SETD2: variants seen among roughly 807,000 people sequenced by gnomAD.
The protein encoded by SETD2 is histone-lysine N-methyltransferase SETD2.
In SETD2, 31 loss-of-function variants were observed where a neutral mutation model predicts 242.1. The ratio of observed to expected loss-of-function variants is 0.13; its 90% CI spans 0.10 to 0.17. SETD2 has a LOEUF of 0.17. SETD2 is among the 10% of genes least tolerant of loss of function. The probability of loss-of-function intolerance (pLI) is 1.00; values close to 1 mark genes in which losing one functional copy is unlikely to be tolerated. For missense variants in SETD2, 2,481 were observed against 3,046.3 expected (o/e 0.81, Z 4.37); for synonymous variants, 1,006 against 1,066.5 (o/e 0.94, Z 1.11).
chr3:47,039,276 G>A (rs1283574152), intron 17 of SETD2, among the ~76,000 whole-genome samples: 3 of 151,488 alleles, frequency 2.0e-5, no homozygotes, highest in African/African-American at 4.9e-5. Flanking sequence ...GTGCAATGGC[G>A]TGATCTCAGC....
intron 8 of SETD2, among the ~76,000 whole-genome samples, chr3:47,099,963 T>G (rs1050789311): frequency 2.0e-5 from 3 of 151,444 alleles, no homozygotes; most frequent in Non-Finnish European, 4.4e-5. Context: ...TTTTTTTTTT[T>G]GCTTTTTTGT....
At chr3:47,024,696 A>G (rs1458773890) in intron 18 of SETD2, among the ~76,000 whole-genome samples, 2 of 152,208 alleles carry the variant, frequency 1.3e-5, no homozygotes, top group African/African-American at 4.8e-5. Flanking sequence ...AACTCCCTCA[A>G]TGCAACAAAT....
At chr3:47,082,136 T>C (rs566298367) in intron 12 of SETD2, among the ~76,000 whole-genome samples, 13 of 152,110 alleles carry the variant, frequency 8.5e-5, no homozygotes, top group East Asian at 1.9e-4. Flanking sequence ...TAGAGAGTAA[T>C]TCATACCATC....
At chr3:47,067,555 C>T (rs912028694) in intron 12 of SETD2, among the ~76,000 whole-genome samples, 9 of 152,012 alleles carry the variant, frequency 5.9e-5, no homozygotes, top group South Asian at 2.1e-4. Context: ...GCTGGGACCA[C>T]AGGTGGATGC....
At position 47,037,775 on chromosome 3, in the gene SETD2, T is replaced by G. The variant is rs1259012873; in HGVS notation, c.7241A>C (p.Gln2414Pro). The change falls in exon 18 of 21, where the codon CAG becomes CCG. Residue 2414 changes from glutamine to proline, a missense_variant and splice_region_variant. Transcript: ENST00000409792. ...KIYYYHVITR[Q>P]TQWDPPTWES... is the part of the protein sequence containing the mutation. ...CCAAGTAGGAGGATCCCACTGAGTC[T>G]GCCTAGAAAGAGACAAAAACAGCCA... The G allele has an allele frequency of 6.2e-7, 1 of 1,612,758 alleles. No individual in the cohort carries two copies. The highest frequency in any genetic ancestry group is 1.1e-5 in the South Asian group (1 of 91,060).
chr3:47,068,230 C>G (rs140292162), intron 12 of SETD2, among the ~76,000 whole-genome samples: 3 of 152,302 alleles, frequency 2.0e-5, no homozygotes, highest in African/African-American at 7.2e-5. Context: ...GGCCTCCTCT[C>G]CACAATTGTT....
chr3:47,057,359 T>C lies in SETD2; in HGVS notation c.6425A>G (p.Gln2142Arg), dbSNP rs2040128411. 1.2e-6 allele frequency: 2 copies of C among 1,614,246 alleles called. No individual in the cohort carries two copies. The highest frequency in any genetic ancestry group is 1.7e-6 in the Non-Finnish European group (2 of 1,180,048). The change falls in exon 15 of 21, where the codon CAG becomes CGG. Residue 2142 changes from glutamine to arginine, a missense_variant. Gln to Arg is a conservative substitution (Grantham distance 43). Transcript: ENST00000409792. Reference sequence around the variant, plus strand: ...CAGTGGTGATGTCATTCCCAGGTTCTGCATCTGTTGCTGTTGTTTCTGAGC... The same window carrying C: ...CAGTGGTGATGTCATTCCCAGGTTCCGCATCTGTTGCTGTTGTTTCTGAGC... ...REAQKQQQQM[Q>R]NLGMTSPLPY...
intron 18 of SETD2, among the ~76,000 whole-genome samples, chr3:47,024,145 G>C (rs1486145652): frequency 6.6e-6 from 1 of 152,010 alleles, no homozygotes; most frequent in African/African-American, 2.4e-5. Flanking sequence ...TTTGAGATCA[G>C]CCTGGCCAAA....
intron 8 of SETD2, among the ~76,000 whole-genome samples, chr3:47,100,694 G>A (rs761346713): frequency 3.3e-5 from 5 of 152,034 alleles, no homozygotes; most frequent in Admixed American, 6.6e-5. Context: ...CTATTGCATC[G>A]GTTACTGTTT....
chr3:47,128,637 G>A (rs1450257846), intron 1 of SETD2, among the ~76,000 whole-genome samples: 1 of 152,178 alleles, frequency 6.6e-6, no homozygotes. Flanking sequence ...ATCTGAAGCA[G>A]TGCCAAAATT....
intron 9 of SETD2, among the ~76,000 whole-genome samples, chr3:47,096,648 C>A (rs1035051423): frequency 6.6e-6 from 1 of 150,978 alleles, no homozygotes; most frequent in Non-Finnish European, 1.5e-5. Flanking sequence ...TTTGGGAGGC[C>A]AAGGTGAGAG....
rs1469670151 is a variant in SETD2 at position 47,120,459 on chromosome 3, A to C, written c.4177T>G (p.Leu1393Val). 1.2e-6 allele frequency: 2 copies of C among 1,612,668 alleles called. No individual in the cohort carries two copies. Among genetic ancestry groups the C allele is most frequent in the East Asian group, 2.2e-5 (1 of 44,876 alleles). Reference sequence around the variant, plus strand: ...CTATCTTTGATATCATTTTTTTCTAAGTTTTTTGAAAAATCTTTCTTTTCA... The same window carrying C: ...CTATCTTTGATATCATTTTTTTCTACGTTTTTTGAAAAATCTTTCTTTTCA... ...VNEKKDFSKN[L>V]EKNDIKDRGP... The change falls in exon 3 of 21, where the codon TTA becomes GTA. Residue 1393 changes from leucine to valine, a missense_variant. Coordinates refer to ENST00000409792, the MANE Select transcript of SETD2 (RefSeq NM_014159.7).
chr3:47,018,094 G>A (rs1680807178), intron 19 of SETD2, among the ~76,000 whole-genome samples: 1 of 152,194 alleles, frequency 6.6e-6, no homozygotes, highest in Non-Finnish European at 1.5e-5. Context: ...TCTGGGCCCT[G>A]GAGGCAAGGC....
At chr3:47,058,528 G>A (rs1436505370) in intron 14 of SETD2, among the ~76,000 whole-genome samples, 1 of 141,752 alleles carries the variant, frequency 7.1e-6, no homozygotes, top group Non-Finnish European at 1.5e-5. Flanking sequence ...ATAGCCAAAT[G>A]TCTCTGAAAT....
chr3:47,121,989 G>A lies in SETD2; in HGVS notation c.2647C>T (p.Leu883Phe), dbSNP rs1269748231. The A allele has an allele frequency of 6.2e-6, 10 of 1,613,932 alleles. No homozygotes were observed. The highest frequency in any genetic ancestry group is 8.5e-6 in the Non-Finnish European group (10 of 1,179,978). The change falls in exon 3 of 21, where the codon CTT becomes TTT. Residue 883 changes from leucine (L) to phenylalanine (F), a missense_variant. Coordinates refer to ENST00000409792, the MANE Select transcript of SETD2 (RefSeq NM_014159.7). ...TTTATTCCTGGTGGAAGACTCTGAA[G>A]AGATGAAGCAATACCTGAACTCCCA... ...PIGSSGIASS[L>F]QSLPPGIKVD...
intron 1 of SETD2, among the ~76,000 whole-genome samples, chr3:47,150,952 A>G (rs1421510319): frequency 1.3e-5 from 2 of 151,894 alleles, no homozygotes; most frequent in African/African-American, 2.4e-5. Flanking sequence ...AAAAGAAAAA[A>G]GAAAAGCATG....
intron 8 of SETD2, among the ~76,000 whole-genome samples, 187 bp downstream of exon 8, chr3:47,101,271 A>G (rs752693326): frequency 3.3e-5 from 5 of 152,176 alleles, no homozygotes; most frequent in African/African-American, 4.8e-5. Context: ...CAGTTCCTGT[A>G]CAACATCCCT....
intron 16 of SETD2, among the ~76,000 whole-genome samples, chr3:47,043,737 A>C (rs1018240462): frequency 1.3e-5 from 2 of 152,004 alleles, no homozygotes; most frequent in Non-Finnish European, 1.5e-5. Context: ...ACTCTTTTTT[A>C]TCTCTTATTT....
chr3:47,124,683 A>G, intron 2 of SETD2, 135 bp from the exon 3 acceptor site: 6 of 697,988 alleles, frequency 8.6e-6, no homozygotes, highest in Non-Finnish European at 6.6e-6. Flanking sequence ...ACTAAGCTAT[A>G]TATATCTTTA....
Sources: allele counts gnomAD v4.1 joint callset (sites outside exome capture counted in the v4.1 genomes callset), GRCh38; gene constraint gnomAD v4.1.1; transcripts MANE v1.5; gene names NCBI Gene and HGNC (gene_info 2026-07-23, HGNC 2026-07-21).